FNDC3B: variants seen among roughly 807,000 people sequenced by gnomAD.
FNDC3B encodes the protein fibronectin type III domain-containing protein 3B.
FNDC3B carries 12 observed loss-of-function variants against 151.5 expected under a neutral mutation model. The ratio of observed to expected loss-of-function variants is 0.08; its 90% CI spans 0.05 to 0.13. The LOEUF (loss-of-function observed/expected upper bound fraction) is 0.13, where lower values mean the gene tolerates loss of function less well. Ranked by LOEUF, FNDC3B falls within the 10% of genes least tolerant of loss-of-function variation. The pLI is 1.00. For missense variants in FNDC3B, 1,214 were observed against 1,505.3 expected (o/e 0.81, Z 3.20); for synonymous variants, 528 against 549.0 (o/e 0.96, Z 0.54).
At chr3:172,195,784 A>C (rs969606056) in intron 3 of FNDC3B, among the ~76,000 whole-genome samples, 1 of 152,234 alleles carries the variant, frequency 6.6e-6, no homozygotes, top group Admixed American at 6.5e-5. Flanking sequence ...GAGTGGGCAC[A>C]GTTAAGAACC....
chr3:172,045,830 T>G (rs2108451775), intron 1 of FNDC3B, among the ~76,000 whole-genome samples: 1 of 152,020 alleles, frequency 6.6e-6, no homozygotes, highest in Middle Eastern at 3.4e-3. Flanking sequence ...AAAATATATA[T>G]TATGGTTATG....
At chr3:172,188,217 A>G (rs1157194835) in intron 3 of FNDC3B, among the ~76,000 whole-genome samples, 2 of 149,284 alleles carry the variant, frequency 1.3e-5, no homozygotes, top group African/African-American at 2.5e-5. Flanking sequence ...CTGGTCTCAA[A>G]CTCCCGACCT....
chr3:172,250,625 G>A (rs371128425), intron 5 of FNDC3B, among the ~76,000 whole-genome samples: 4 of 152,102 alleles, frequency 2.6e-5, no homozygotes, highest in African/African-American at 9.7e-5. Flanking sequence ...ATATTGAAAG[G>A]TAAAAATCAA....
chr3:172,240,713 AGGAAGTTGAATGAGAT>A (rs1727450093), intron 4 of FNDC3B, among the ~76,000 whole-genome samples: 1 of 152,142 alleles, frequency 6.6e-6, no homozygotes, highest in Admixed American at 6.5e-5. Flanking sequence ...TCAAGTGTTA[AGGAAGTTGAATGAGAT>A]GGCCCATGTC....
At chr3:172,344,003 G>A (rs1420602862) in intron 18 of FNDC3B, 83 bp from the exon 19 acceptor site, 2 of 1,280,338 alleles carry the variant, frequency 1.6e-6, no homozygotes, top group Non-Finnish European at 2.2e-6. Context: ...GTGATATTTT[G>A]CTCAACTTGT....
intron 25 of FNDC3B, among the ~76,000 whole-genome samples, chr3:172,391,774 T>A (rs1176284458): frequency 1.3e-5 from 2 of 152,164 alleles, no homozygotes; most frequent in African/African-American, 4.8e-5. Flanking sequence ...AAAGCCCAGA[T>A]GGCAAATGTG....
At chr3:172,387,163 T>G (rs571099629) in intron 25 of FNDC3B, among the ~76,000 whole-genome samples, 16 of 152,122 alleles carry the variant, frequency 1.1e-4, no homozygotes, top group Admixed American at 2.6e-4. Context: ...CACCATGTTG[T>G]CCAGGCTGGT....
chr3:172,109,516 C>T (rs777613216), intron 1 of FNDC3B, among the ~76,000 whole-genome samples: 1 of 152,216 alleles, frequency 6.6e-6, no homozygotes, highest in Non-Finnish European at 1.5e-5. Flanking sequence ...ATCAGCAATA[C>T]TGGTTATGGC....
rs763997074 is a variant in FNDC3B at position 172,337,355 on chromosome 3, A to G, written c.1806A>G (p.Ser602=). The change falls in exon 16 of 26, where the codon TCA becomes TCG. Residue 602 remains serine, a synonymous_variant. Coordinates refer to ENST00000415807, the MANE Select transcript of FNDC3B (RefSeq NM_022763.4). ...ATCCCCCTAAGGACAATGGTGGTTC[A>G]GAAATCCTCAAGTACTTGCTAGAGA... ...KWDPPKDNGG[S]EILKYLLEIT... 104 of 1,612,482 alleles carry G rather than the reference A, an allele frequency of 6.4e-5. No homozygotes were observed. The highest frequency in any genetic ancestry group is 1.8e-5 in the Non-Finnish European group (21 of 1,178,776).
intron 1 of FNDC3B, among the ~76,000 whole-genome samples, chr3:172,088,840 A>G (rs1298001641): frequency 6.6e-6 from 1 of 152,232 alleles, no homozygotes; most frequent in Non-Finnish European, 1.5e-5. Context: ...TGTTGACAGT[A>G]TTCTCCTGTG....
chr3:172,220,869 A>G (rs186115155), intron 3 of FNDC3B, among the ~76,000 whole-genome samples: 1 of 152,274 alleles, frequency 6.6e-6, no homozygotes, highest in African/African-American at 2.4e-5. Context: ...GAGGAATATC[A>G]CTTGAGCCCC....
At position 172,095,345 on chromosome 3, in the gene FNDC3B, G is replaced by T. The variant is rs184447163; in HGVS notation, c.-28-17107G>T. On this transcript the variant is annotated intron_variant, in intron 1 of 25. Coordinates refer to ENST00000415807, the MANE Select transcript of FNDC3B (RefSeq NM_022763.4). ...TCTTTTTCAGACTTGGGATTCTGTGGTATATTCTGAAACTGAAAATAGCTT... is the reference window on the plus strand; with the variant it reads ...TCTTTTTCAGACTTGGGATTCTGTGTTATATTCTGAAACTGAAAATAGCTT... 5.3e-5 allele frequency among the ~76,000 whole-genome samples: 8 copies of T among 152,268 alleles called. No homozygotes were observed. The East Asian group carries it at 1.4e-3, about 26-fold the overall frequency.
chr3:172,298,621 A>G (rs1730755365), intron 8 of FNDC3B, 107 bp from the exon 9 acceptor site: 1 of 579,166 alleles, frequency 1.7e-6, no homozygotes, highest in Non-Finnish European at 3.0e-6. Context: ...GGAATCTGAC[A>G]TAATAGTTCA....
intron 23 of FNDC3B, among the ~76,000 whole-genome samples, chr3:172,366,456 C>A (rs1456161021): frequency 6.6e-6 from 1 of 151,884 alleles, no homozygotes; most frequent in Admixed American, 6.6e-5. Context: ...AGGGTTTGTA[C>A]CAAAGCCTTC....
At chr3:172,080,007 C>T (rs535919244) in intron 1 of FNDC3B, among the ~76,000 whole-genome samples, 22 of 151,986 alleles carry the variant, frequency 1.4e-4, no homozygotes, top group South Asian at 1.0e-3. Flanking sequence ...AATGGGGCTA[C>T]GGAAAAACTC....
chr3:172,154,213 C>T (rs780079122), intron 3 of FNDC3B, among the ~76,000 whole-genome samples: 1 of 151,886 alleles, frequency 6.6e-6, no homozygotes, highest in Non-Finnish European at 1.5e-5. Context: ...TGATCGAGAC[C>T]GTTAATGGTT....
Position 172,335,069 on chromosome 3 carries a change from T to C in FNDC3B, c.1767T>C (p.Phe589=), listed in dbSNP as rs199825422. 1.2e-6 allele frequency: 2 copies of C among 1,607,228 alleles called. No homozygotes were observed. The highest frequency in any genetic ancestry group is 1.7e-6 in the Non-Finnish European group (2 of 1,176,846). The change falls in exon 15 of 26, where the codon TTT becomes TTC. Residue 589 remains phenylalanine (F), a synonymous_variant. Coordinates refer to ENST00000415807, the MANE Select transcript of FNDC3B (RefSeq NM_022763.4). ...LVKGPVTSHG[F]SVKWDPPKDN... ...AAGGCCCAGTTACATCTCATGGCTTTAGTGTCAAATGGGGTATGTTTTGCT... is the reference window on the plus strand; with the variant it reads ...AAGGCCCAGTTACATCTCATGGCTTCAGTGTCAAATGGGGTATGTTTTGCT...
intron 6 of FNDC3B, among the ~76,000 whole-genome samples, chr3:172,259,274 C>T (rs1728522488): frequency 6.6e-6 from 1 of 152,084 alleles, no homozygotes; most frequent in South Asian, 2.1e-4. Context: ...AGTGGGGACC[C>T]CTGGATTAGA....
chr3:172,327,731 G>A (rs916205178), intron 11 of FNDC3B, among the ~76,000 whole-genome samples: 3 of 152,184 alleles, frequency 2.0e-5, no homozygotes, highest in South Asian at 2.1e-4. Context: ...TGTGCTCACC[G>A]TAGCAACAGT....
Sources: allele counts gnomAD v4.1 joint callset (sites outside exome capture counted in the v4.1 genomes callset), GRCh38; gene constraint gnomAD v4.1.1; transcripts MANE v1.5; gene names NCBI Gene and HGNC (gene_info 2026-07-23, HGNC 2026-07-21).